The following UGT2B15 variants were observed in gnomAD, a reference collection of about 807,000 sequenced individuals.
The protein encoded by UGT2B15 is UDP-glucuronosyltransferase 2B15.
Under a neutral mutation model 45.9 loss-of-function variants are expected in UGT2B15, and 36 were observed. The ratio of observed to expected loss-of-function variants is 0.78; its 90% CI spans 0.60 to 1.04. The LOEUF (loss-of-function observed/expected upper bound fraction) is 1.04. UGT2B15 is among the 50% of genes least tolerant of loss of function. The pLI, the probability that UGT2B15 is intolerant of heterozygous loss-of-function variation, is 0.00. For synonymous variants in UGT2B15, 219 were observed against 216.4 expected (o/e 1.01, Z -0.11); for missense variants, 617 against 622.4 (o/e 0.99, Z 0.09).
In UGT2B15 at chr4:68,654,131, T is replaced by G. The variant is rs376250826; in HGVS notation, c.1219A>C (p.Met407Leu). The part of the protein sequence containing the change: ...FADQHDNIAH[M>L]KAKGAALSVD... ...CTGAGGGCTGCTCCCTTGGCTTTCA[T>G]GTGAGCAATGTTATCATGTTGATCC... The change falls in exon 5 of 6, where the codon ATG becomes CTG. Residue 407 changes from methionine (M) to leucine (L), a missense_variant. Physicochemically the swap from Met to Leu is conservative, Grantham distance 15 (BLOSUM62 2). Coordinates refer to ENST00000338206, the MANE Select transcript of UGT2B15 (RefSeq NM_001076.4). 1.9e-6 allele frequency: 3 copies of G among 1,613,564 alleles called. No individual in the cohort carries two copies. Among genetic ancestry groups the G allele is most frequent in the African/African-American group, 2.7e-5 (2 of 74,858 alleles).
chr4:68,654,524 A>G (rs1468632277), intron 4 of UGT2B15, among the ~76,000 whole-genome samples: 3 of 151,870 alleles, frequency 2.0e-5, no homozygotes, highest in Non-Finnish European at 4.4e-5. Context: ...ATAAATAATG[A>G]GGTCACATTT....
At position 68,669,783 on chromosome 4, in the gene UGT2B15, T is replaced by C. The variant is rs181149143; in HGVS notation, c.724+112A>G. Reference sequence around the variant, plus strand: ...CTGATAGATCATCTTACATTTGCAATTCATAATTTCCCTTAAAAACACTAT... The same window carrying C: ...CTGATAGATCATCTTACATTTGCAACTCATAATTTCCCTTAAAAACACTAT... On this transcript the variant is annotated intron_variant, in intron 1 of 5. Coordinates refer to ENST00000338206, the MANE Select transcript of UGT2B15 (RefSeq NM_001076.4). The C allele has an allele frequency of 3.6e-6, 5 of 1,407,834 alleles. No homozygotes were observed. In the East Asian group the frequency reaches 9.2e-5, roughly 26 times the overall value. The allele number at this position is 1,407,834 out of a possible 1,614,324, so 87.2% of individuals were successfully genotyped here. A position where few individuals can be genotyped will look rare whatever the true frequency, so the allele number is the denominator to read the frequency against.
At position 68,670,237 on chromosome 4, in the gene UGT2B15, A is replaced by G; in HGVS notation, c.382T>C (p.Cys128Arg). 6.2e-7 allele frequency: 1 copy of G among 1,613,970 alleles called. No homozygotes were observed. The highest frequency in any genetic ancestry group is 8.5e-7 in the Non-Finnish European group (1 of 1,179,976). The change falls in exon 1 of 6, where the codon TGT becomes CGT. Residue 128 changes from cysteine (C) to arginine (R), a missense_variant. This residue lies in a region of UGT2B15 where 351 missense variants were observed against 342.1 expected (regional missense o/e 1.03). Transcript: ENST00000338206. Reference protein sequence around the residue: ...WEYYDYSNKLCKDAVLNKKLM... With the variant: ...WEYYDYSNKLRKDAVLNKKLM... Reference sequence around the variant, plus strand: ...TTCTTATTCAAAACTGCATCTTTACAGAGCTTGTTACTGTAGTCATAATAT... The same window carrying G: ...TTCTTATTCAAAACTGCATCTTTACGGAGCTTGTTACTGTAGTCATAATAT...
At chr4:68,660,295 C>T (rs1390655083) in intron 3 of UGT2B15, among the ~76,000 whole-genome samples, 2 of 150,112 alleles carry the variant, frequency 1.3e-5, no homozygotes, top group South Asian at 2.1e-4. Flanking sequence ...GGTTCCTGAA[C>T]TGTGTTAAGC....
intron 2 of UGT2B15, among the ~76,000 whole-genome samples, chr4:68,667,393 C>T (rs901514051): frequency 6.6e-6 from 1 of 152,024 alleles, no homozygotes; most frequent in Non-Finnish European, 1.5e-5. Context: ...CCAGGCTGGT[C>T]TCAAACTCCT....
intron 1 of UGT2B15, among the ~76,000 whole-genome samples, chr4:68,668,662 A>C (rs1311175290): frequency 3.0e-5 from 4 of 134,718 alleles, no homozygotes; most frequent in Admixed American, 2.4e-4. Context: ...TGATAGTTTT[A>C]TAAGTGTCTA....
chr4:68,657,822 T>C (rs1434415913), intron 3 of UGT2B15, among the ~76,000 whole-genome samples: 1 of 152,150 alleles, frequency 6.6e-6, no homozygotes, highest in Non-Finnish European at 1.5e-5. Flanking sequence ...TCAATTTTTT[T>C]TATCTCATGG....
chr4:68,657,651 A>G (rs1410228478), intron 3 of UGT2B15, among the ~76,000 whole-genome samples: 1 of 152,134 alleles, frequency 6.6e-6, no homozygotes, highest in Non-Finnish European at 1.5e-5. Context: ...GTCTTTGTGC[A>G]CATATACATT....
chr4:68,664,815 C>T (rs1445377150), intron 2 of UGT2B15, among the ~76,000 whole-genome samples: 1 of 152,122 alleles, frequency 6.6e-6, no homozygotes, highest in Non-Finnish European at 1.5e-5. Flanking sequence ...CCACCCGCCT[C>T]AGCCTCCCGA....
At position 68,646,887 on chromosome 4, in the gene UGT2B15, C is replaced by T; in HGVS notation, c.*217G>A. On this transcript the variant is annotated 3_prime_UTR_variant, in exon 6 of 6. Transcript: ENST00000338206. ...GTATATCTCCAAATGCTATCCTTCC[C>T]CCCATTGTATTTTTCATAGCTTAAA... 1.4e-6 allele frequency: 1 copy of T among 712,434 alleles called. No homozygotes were observed. Among genetic ancestry groups the T allele is most frequent in the Non-Finnish European group, 2.2e-6 (1 of 455,788 alleles). 44.1% of individuals were successfully genotyped at this position (712,434 alleles called of 1,614,324 possible). A position where few individuals can be genotyped will look rare whatever the true frequency, so the allele number is the denominator to read the frequency against.
At chr4:68,663,837 G>A (rs1249507059) in intron 2 of UGT2B15, among the ~76,000 whole-genome samples, 1 of 150,692 alleles carries the variant, frequency 6.6e-6, no homozygotes, top group Non-Finnish European at 1.5e-5. Context: ...TGGTATTGTG[G>A]TTTGGAATTT....
intron 3 of UGT2B15, among the ~76,000 whole-genome samples, chr4:68,658,641 CA>C (rs1288593932): frequency 6.6e-6 from 1 of 152,056 alleles, no homozygotes; most frequent in African/African-American, 2.4e-5. Flanking sequence ...GTAAGATTAT[CA>C]TAACTTCTAA....
chr4:68,652,862 T>C (rs1352872677), intron 5 of UGT2B15, among the ~76,000 whole-genome samples: 1 of 151,874 alleles, frequency 6.6e-6, no homozygotes, highest in Non-Finnish European at 1.5e-5. Flanking sequence ...AAGATTAAAA[T>C]AGAAATTTAT....
At chr4:68,651,914 T>A (rs1732667410) in intron 5 of UGT2B15, among the ~76,000 whole-genome samples, 1 of 152,092 alleles carries the variant, frequency 6.6e-6, no homozygotes, top group Non-Finnish European at 1.5e-5. Context: ...GTGAGGAATG[T>A]CAATGGTAGT....
intron 1 of UGT2B15, among the ~76,000 whole-genome samples, chr4:68,668,736 C>A (rs1028407297): frequency 6.7e-6 from 1 of 148,836 alleles, no homozygotes; most frequent in African/African-American, 2.5e-5. Context: ...CTTGCTTCCC[C>A]TTAGCCTTTC....
At chr4:68,662,230 C>G (rs5017547) in intron 3 of UGT2B15, among the ~76,000 whole-genome samples, 7,492 of 151,840 alleles carry the variant, frequency 0.049, 255 homozygotes, top group African/African-American at 0.098. Context: ...CTTCCTCAAT[C>G]TGGAGAAGGC....
intron 1 of UGT2B15, among the ~76,000 whole-genome samples, chr4:68,669,151 T>C (rs1042299791): frequency 1.3e-5 from 2 of 152,060 alleles, no homozygotes; most frequent in Non-Finnish European, 2.9e-5. Context: ...ATTTTTAAAA[T>C]AAATATATTT....
At position 68,648,799 on chromosome 4, in the gene UGT2B15, TG is replaced by T. The variant is rs1199371767; in HGVS notation, c.1314-1417del. ...CATAGATTAGTATTGTTTATATAAT[TG>T]AATTAAATAATACATATTCATTTCT... On this transcript the variant is annotated intron_variant, in intron 5 of 5. Transcript: ENST00000338206. 7.2e-5 allele frequency among the ~76,000 whole-genome samples: 11 copies of T among 152,228 alleles called. No individual in the cohort carries two copies. In the East Asian group the frequency reaches 9.6e-4, roughly 13 times the overall value.
rs1254542091 is a variant in UGT2B15, at chr4:68,669,977, A to AT, written c.641dup (p.Asn214LysfsTer9). 1.2e-6 allele frequency: 2 copies of AT among 1,613,838 alleles called. No homozygotes were observed. The highest frequency in any genetic ancestry group is 2.2e-5 in the South Asian group (2 of 91,024). ...AGTCAAAATAAAGCATATGTATCAT[A>AT]TTTTTTATCCTCTCCATGAAAATCA... is the stretch of plus-strand genomic sequence containing the variant. On this transcript the variant is annotated frameshift_variant, in exon 1 of 6. Coordinates refer to ENST00000338206, the MANE Select transcript of UGT2B15 (RefSeq NM_001076.4). LOFTEE classifies it high-confidence loss of function.
Sources: gnomAD v4.1 joint callset for allele counts (sites outside exome capture counted in the v4.1 genomes callset) on GRCh38, gnomAD v4.1.1 for gene constraint, gnomAD v4.1.1 regional missense constraint, MANE v1.5 for transcripts, NCBI Gene and HGNC (gene_info 2026-07-23, HGNC 2026-07-21) for gene names.